The following NKAIN2 variants were observed in gnomAD, a reference collection of about 807,000 sequenced individuals.
The protein encoded by NKAIN2 is sodium/potassium transporting ATPase interacting 2.
NKAIN2 carries 14 observed loss-of-function variants against 32.6 expected under a neutral mutation model. The observed-to-expected ratio is 0.43, with a 90% CI of 0.28 to 0.67. The LOEUF is 0.67. Among genes scored for constraint, NKAIN2 ranks in the 30% least tolerant of loss-of-function variants. The probability of loss-of-function intolerance (pLI) is 0.17; values close to 1 mark genes in which losing one functional copy is unlikely to be tolerated. For missense variants in NKAIN2, 198 were observed against 258.3 expected, an observed-to-expected ratio of 0.77 and a Z score of 1.60; for synonymous variants, 80 against 87.2, an observed-to-expected ratio of 0.92 and a Z score of 0.46.
intron 3 of NKAIN2, among the ~76,000 whole-genome samples, chr6:124,396,057 A>G (rs1003155074): frequency 6.6e-6 from 1 of 152,082 alleles, no homozygotes; most frequent in African/African-American, 2.4e-5. Flanking sequence ...CTTCCATGGT[A>G]CTTTGCATTT....
At chr6:124,228,706 C>A (rs909979687) in intron 1 of NKAIN2, among the ~76,000 whole-genome samples, 2 of 152,128 alleles carry the variant, frequency 1.3e-5, no homozygotes, top group Non-Finnish European at 2.9e-5. Flanking sequence ...GAAAGAAAGT[C>A]TCTTACCCAT....
intron 1 of NKAIN2, among the ~76,000 whole-genome samples, chr6:123,955,629 T>TATTTC (rs1220210646): frequency 6.6e-6 from 1 of 150,968 alleles, no homozygotes; most frequent in East Asian, 1.9e-4. Context: ...TATTTTATTT[T>TATTTC]ATTTTATTTT....
chr6:123,995,256 G>C (rs1012148412), intron 1 of NKAIN2, among the ~76,000 whole-genome samples: 1 of 152,178 alleles, frequency 6.6e-6, no homozygotes, highest in African/African-American at 2.4e-5. Context: ...GACGAGCCTT[G>C]TTGGTGACAA....
intron 2 of NKAIN2, among the ~76,000 whole-genome samples, chr6:124,283,864 G>A (rs1031896230): frequency 1.4e-4 from 21 of 152,098 alleles, no homozygotes; most frequent in Non-Finnish European, 1.9e-4. Context: ...TTTGACAAAG[G>A]AAATGTCTAT....
intron 1 of NKAIN2, among the ~76,000 whole-genome samples, chr6:124,245,066 T>G (rs946542965): frequency 1.3e-5 from 2 of 152,104 alleles, no homozygotes; most frequent in Non-Finnish European, 2.9e-5. Context: ...TAGAGAGAGA[T>G]AAGCTGGTGC....
chr6:124,068,901 C>T (rs1306734794), intron 1 of NKAIN2, among the ~76,000 whole-genome samples: 2 of 152,054 alleles, frequency 1.3e-5, no homozygotes, highest in Non-Finnish European at 1.5e-5. Context: ...GACTCTCGAG[C>T]ACAGGTCATC....
At chr6:124,412,166 C>T (rs1445763587) in intron 3 of NKAIN2, among the ~76,000 whole-genome samples, 1 of 152,106 alleles carries the variant, frequency 6.6e-6, no homozygotes, top group Non-Finnish European at 1.5e-5. Context: ...CTTCTGAAGC[C>T]TTCTCTCAAC....
At chr6:124,448,279 A>G (rs1562191638) in intron 3 of NKAIN2, among the ~76,000 whole-genome samples, 1 of 152,138 alleles carries the variant, frequency 6.6e-6, no homozygotes. Flanking sequence ...AAGGGATTTT[A>G]TCGTGGCATG....
intron 4 of NKAIN2, among the ~76,000 whole-genome samples, chr6:124,746,704 A>T (rs547840488): frequency 6.6e-6 from 1 of 152,046 alleles, no homozygotes; most frequent in East Asian, 1.9e-4. Context: ...CAAGTTTTCT[A>T]CAATGAGCAT....
intron 3 of NKAIN2, among the ~76,000 whole-genome samples, chr6:124,591,832 G>C (rs1161176282): frequency 1.3e-5 from 2 of 152,154 alleles, no homozygotes; most frequent in African/African-American, 4.8e-5. Context: ...GGAGCTTACA[G>C]TCAGGACAGA....
At chr6:124,533,491 A>AAAAAAAAAAAAAACAC (rs57654153) in intron 3 of NKAIN2, among the ~76,000 whole-genome samples, 1 of 149,248 alleles carries the variant, frequency 6.7e-6, no homozygotes, top group African/African-American at 2.5e-5. Flanking sequence ...AAAAAAAAAA[A>AAAAAAAAAAAAAACAC]TCCTGCTGAT....
chr6:124,022,660 A>C (rs968448561), intron 1 of NKAIN2, among the ~76,000 whole-genome samples: 1 of 152,248 alleles, frequency 6.6e-6, no homozygotes, highest in African/African-American at 2.4e-5. Context: ...TTTCAATTAC[A>C]TCAATGGTTA....
At chr6:124,425,938 C>T (rs1375833914) in intron 3 of NKAIN2, among the ~76,000 whole-genome samples, 1 of 152,104 alleles carries the variant, frequency 6.6e-6, no homozygotes, top group Non-Finnish European at 1.5e-5. Context: ...TATGCATACT[C>T]GTTTAACAAG....
intron 4 of NKAIN2, among the ~76,000 whole-genome samples, chr6:124,781,401 T>C (rs182800350): frequency 6.6e-6 from 1 of 152,238 alleles, no homozygotes; most frequent in East Asian, 1.9e-4. Context: ...GCCCAGAATA[T>C]AGTGAACAGT....
At chr6:124,023,654 T>C (rs1022877828) in intron 1 of NKAIN2, among the ~76,000 whole-genome samples, 2 of 152,208 alleles carry the variant, frequency 1.3e-5, no homozygotes, top group Non-Finnish European at 2.9e-5. Flanking sequence ...TTAGAGGACT[T>C]TTCCTTATTG....
intron 1 of NKAIN2, among the ~76,000 whole-genome samples, chr6:123,982,182 A>G (rs1262804772): frequency 1.3e-5 from 2 of 152,184 alleles, no homozygotes; most frequent in African/African-American, 4.8e-5. Context: ...GAAAAGATAC[A>G]TGCGAGGCAG....
chr6:124,261,986 T>C (rs996704843), intron 1 of NKAIN2, among the ~76,000 whole-genome samples: 2 of 152,044 alleles, frequency 1.3e-5, no homozygotes, highest in Non-Finnish European at 2.9e-5. Flanking sequence ...AGTACCTATG[T>C]TAGTGGAATG....
At chr6:124,570,715 C>T (rs968996942) in intron 3 of NKAIN2, among the ~76,000 whole-genome samples, 2 of 152,242 alleles carry the variant, frequency 1.3e-5, no homozygotes, top group East Asian at 3.8e-4. Context: ...CATGGAGAAC[C>T]TCTGCTAGGG....
chr6:124,128,674 C>T (rs1300645190), intron 1 of NKAIN2, among the ~76,000 whole-genome samples: 1 of 152,206 alleles, frequency 6.6e-6, no homozygotes, highest in Non-Finnish European at 1.5e-5. Context: ...GCTTACACAA[C>T]TGTGTCTCCC....
Sources: gnomAD v4.1 joint callset for allele counts (sites outside exome capture counted in the v4.1 genomes callset) on GRCh38, gnomAD v4.1.1 for gene constraint, MANE v1.5 for transcripts, NCBI Gene and HGNC (gene_info 2026-07-23, HGNC 2026-07-21) for gene names.